Variants in WDR72 observed in about 807,000 individuals in gnomAD.
WDR72 encodes the protein WD repeat domain 72.
WDR72 carries 120 observed loss-of-function variants against 124.2 expected under a neutral mutation model. That is an observed-to-expected ratio of 0.97 (90% CI 0.83 to 1.12). WDR72 has a LOEUF of 1.12. Ranked by LOEUF, WDR72 falls within the 50% of genes most tolerant of loss-of-function variation. The probability of loss-of-function intolerance (pLI) is 0.00; values close to 1 mark genes in which losing one functional copy is unlikely to be tolerated. For synonymous variants in WDR72, 452 were observed against 441.7 expected, an observed-to-expected ratio of 1.02 and a Z score of -0.29; for missense variants, 1,387 against 1,278.8, an observed-to-expected ratio of 1.08 and a Z score of -1.29.
In WDR72 at chr15:53,567,197, T is replaced by G. The variant is rs542656703; in HGVS notation, c.3148+29882A>C. On this transcript the variant is annotated intron_variant, in intron 18 of 19. Coordinates refer to ENST00000360509, the MANE Select transcript of WDR72 (RefSeq NM_182758.4). The stretch of plus-strand genomic sequence containing the variant: ...TCCAACATGTGTTGGGAAATCAGTC[T>G]TGTTATATTTTCCCTGTAAATCCTT... Among the ~76,000 whole-genome samples, 6 of 152,118 alleles carry G rather than the reference T, an allele frequency of 3.9e-5. No homozygotes were observed. The South Asian group carries it at 1.2e-3, about 31-fold the overall frequency.
upstream of WDR72, among the ~76,000 whole-genome samples, chr15:53,760,810 A>G (rs2019049393): frequency 6.6e-6 from 1 of 152,200 alleles, no homozygotes; most frequent in Non-Finnish European, 1.5e-5. Context: ...AATAGGAAAA[A>G]ATATAATAAT....
intron 18 of WDR72, among the ~76,000 whole-genome samples, chr15:53,563,538 T>G (rs1333791658): frequency 6.6e-6 from 1 of 151,840 alleles, no homozygotes; most frequent in Admixed American, 6.6e-5. Context: ...GGGGGTTTGT[T>G]GTACATATTA....
intron 14 of WDR72, among the ~76,000 whole-genome samples, chr15:53,663,687 G>C (rs572435311): frequency 6.6e-6 from 1 of 152,134 alleles, no homozygotes; most frequent in African/African-American, 2.4e-5. Flanking sequence ...CTAATACTCT[G>C]ACATATAATT....
chr15:53,710,080 T>C (rs1230463741), intron 9 of WDR72, among the ~76,000 whole-genome samples: 2 of 152,174 alleles, frequency 1.3e-5, no homozygotes. Context: ...ATGTCAGAGG[T>C]ATGATTCAGT....
chr15:53,655,152 A>G (rs1000489784), intron 14 of WDR72, among the ~76,000 whole-genome samples: 5 of 142,990 alleles, frequency 3.5e-5, no homozygotes, highest in Admixed American at 7.6e-5. Context: ...AATCGCTGGA[A>G]CCTGGGACGC....
In WDR72 at chr15:53,733,156, C is replaced by T. The variant is rs496290; in HGVS notation, c.-7G>A. On this transcript the variant is annotated 5_prime_UTR_variant, in exon 2 of 20. Coordinates refer to ENST00000360509, the MANE Select transcript of WDR72 (RefSeq NM_182758.4). ...CCTGCAGGGAAGTCCTCATTTTGGGCGAATCCTGACATACAAAGAAGGGAA... is the reference window on the plus strand; with the variant it reads ...CCTGCAGGGAAGTCCTCATTTTGGGTGAATCCTGACATACAAAGAAGGGAA... 18,982 of 1,613,480 alleles carry T rather than the reference C, an allele frequency of 0.012. 1,856 individuals carry two copies. The African/African-American group carries it at 0.22, about 19-fold the overall frequency.
At chr15:53,732,298 A>G (rs1200732853) in intron 2 of WDR72, among the ~76,000 whole-genome samples, 1 of 152,230 alleles carries the variant, frequency 6.6e-6, no homozygotes, top group East Asian at 1.9e-4. Context: ...GATCTTTAAA[A>G]GGCTTCTTAA....
intron 18 of WDR72, among the ~76,000 whole-genome samples, chr15:53,534,097 G>C (rs1223518641): frequency 1.3e-5 from 2 of 152,102 alleles, no homozygotes; most frequent in Non-Finnish European, 2.9e-5. Context: ...GACTGAGCTA[G>C]AAAAATCAGA....
chr15:53,641,665 G>A (rs2926883), intron 14 of WDR72, among the ~76,000 whole-genome samples: 13,859 of 151,738 alleles, frequency 0.091, 1,604 homozygotes, highest in African/African-American at 0.28. Context: ...GTAATTTTTA[G>A]AATATGGTTT....
At chr15:53,738,146 G>T (rs1474350131) in intron 1 of WDR72, among the ~76,000 whole-genome samples, 1 of 151,970 alleles carries the variant, frequency 6.6e-6, no homozygotes, top group Non-Finnish European at 1.5e-5. Context: ...GTATGAAAAC[G>T]TTGTATAATA....
intron 9 of WDR72, among the ~76,000 whole-genome samples, chr15:53,706,373 T>TACATATATATATATATATATATATAC (rs1379101453): frequency 3.0e-5 from 2 of 67,336 alleles, no homozygotes; most frequent in African/African-American, 1.2e-4. Flanking sequence ...TATATATATA[T>TACATATATATATATATATATATATAC]ATATATATAT....
chr15:53,667,294 C>T (rs1481870367), intron 13 of WDR72, among the ~76,000 whole-genome samples: 2 of 152,132 alleles, frequency 1.3e-5, no homozygotes, highest in Non-Finnish European at 2.9e-5. Flanking sequence ...GTCAAGGCTA[C>T]AGTGAGCCAG....
At chr15:53,757,280 A>G (rs542959690) in intron 1 of WDR72, among the ~76,000 whole-genome samples, 1 of 152,246 alleles carries the variant, frequency 6.6e-6, no homozygotes, top group Admixed American at 6.5e-5. Flanking sequence ...ATAACCATAC[A>G]TATAGAAAAG....
intron 14 of WDR72, among the ~76,000 whole-genome samples, chr15:53,643,736 G>A (rs762960757): frequency 8.4e-5 from 11 of 131,380 alleles, no homozygotes; most frequent in Non-Finnish European, 1.6e-4. Flanking sequence ...GTATGTATCT[G>A]TGTGTGTGCG....
At chr15:53,533,280 G>C (rs1021189005) in intron 18 of WDR72, among the ~76,000 whole-genome samples, 3 of 152,110 alleles carry the variant, frequency 2.0e-5, no homozygotes, top group African/African-American at 7.2e-5. Flanking sequence ...AAAGACGCTA[G>C]TCTGAAAGTA....
chr15:53,626,008 G>A (rs2140385467), intron 14 of WDR72, among the ~76,000 whole-genome samples: 1 of 152,240 alleles, frequency 6.6e-6, no homozygotes, highest in African/African-American at 2.4e-5. Context: ...AACATGTTCT[G>A]ATAACTTCTT....
intron 19 of WDR72, among the ~76,000 whole-genome samples, chr15:53,519,587 C>T (rs1185846837): frequency 1.3e-5 from 2 of 152,212 alleles, no homozygotes; most frequent in East Asian, 3.9e-4. Context: ...ATTCCGAAGA[C>T]AAGACACTAC....
intron 1 of WDR72, among the ~76,000 whole-genome samples, chr15:53,752,829 T>G (rs543544745): frequency 2.1e-4 from 32 of 152,290 alleles, no homozygotes; most frequent in Admixed American, 5.9e-4. Flanking sequence ...ATTCTCTACC[T>G]CTTTGTGTAA....
chr15:53,716,681 T>C lies in WDR72; in HGVS notation c.265A>G (p.Met89Val). ...CCATTGGTGACATTCCAAACACACA[T>C]CTCCCTAGCAGAAGATAACTTTGTG... Reference protein sequence around the residue: ...YIVSAAENGEMCVWNVTNGQC... With the variant: ...YIVSAAENGEVCVWNVTNGQC... Residue 89 changes from methionine (M) to valine (V), a missense_variant, in exon 4 of 20, where the codon ATG (methionine) becomes GTG (valine). By Grantham distance (21) the Met-to-Val change is conservative (BLOSUM62 1). Coordinates refer to ENST00000360509, the MANE Select transcript of WDR72 (RefSeq NM_182758.4). 6.3e-7 allele frequency: 1 copy of C among 1,580,876 alleles called. No individual in the cohort carries two copies. Among genetic ancestry groups the C allele is most frequent in the Non-Finnish European group, 8.6e-7 (1 of 1,158,838 alleles).
Sources: gnomAD v4.1 joint callset for allele counts (sites outside exome capture counted in the v4.1 genomes callset) on GRCh38, gnomAD v4.1.1 for gene constraint, MANE v1.5 for transcripts, NCBI Gene and HGNC (gene_info 2026-07-23, HGNC 2026-07-21) for gene names.